The following SH3GL1 variants were observed in gnomAD, a reference collection of about 807,000 sequenced individuals.
The protein encoded by SH3GL1 is SH3 domain containing GRB2 like 1, endophilin A2.
Under a neutral mutation model 48.8 loss-of-function variants are expected in SH3GL1, and 21 were observed. That is an observed-to-expected ratio of 0.43 (90% CI 0.30 to 0.62). The LOEUF (loss-of-function observed/expected upper bound fraction) is 0.62. SH3GL1 is among the 20% of genes least tolerant of loss of function. The pLI, the probability that SH3GL1 is intolerant of heterozygous loss-of-function variation, is 0.11. For missense variants in SH3GL1, 454 were observed against 503.0 expected (o/e 0.90, Z 0.93); for synonymous variants, 282 against 217.5 (o/e 1.30, Z -2.61).
At chr19:4,379,379 T>C (rs1240157096) in intron 1 of SH3GL1, among the ~76,000 whole-genome samples, 1 of 145,466 alleles carries the variant, frequency 6.9e-6, no homozygotes, top group Non-Finnish European at 1.5e-5. Flanking sequence ...TGAGCCAAGA[T>C]CACACCACTG....
At chr19:4,365,726 G>A in intron 3 of SH3GL1, 101 bp from the exon 4 acceptor site, 1 of 1,519,526 alleles carries the variant, frequency 6.6e-7, no homozygotes, top group Non-Finnish European at 9.0e-7. Flanking sequence ...TGCTTCCTGT[G>A]CCTGTGGACA....
At chr19:4,385,059 G>A (rs1345858191) in intron 1 of SH3GL1, among the ~76,000 whole-genome samples, 3 of 150,128 alleles carry the variant, frequency 2.0e-5, no homozygotes, top group African/African-American at 7.4e-5. Flanking sequence ...AGCTGAGATT[G>A]CGCCATTGCA....
intron 1 of SH3GL1, among the ~76,000 whole-genome samples, chr19:4,375,610 T>G (rs1370332613): frequency 6.6e-6 from 1 of 152,108 alleles, no homozygotes; most frequent in African/African-American, 2.4e-5. Context: ...CTGGGGCTCC[T>G]CTCCCAGGAA....
chr19:4,398,029 T>C (rs994031703), intron 1 of SH3GL1, among the ~76,000 whole-genome samples: 1 of 152,054 alleles, frequency 6.6e-6, no homozygotes. Context: ...TCATATTTTG[T>C]AGAGATGGGA....
At chr19:4,372,219 C>A (rs1409581750) in intron 1 of SH3GL1, among the ~76,000 whole-genome samples, 3 of 152,188 alleles carry the variant, frequency 2.0e-5, no homozygotes, top group Non-Finnish European at 4.4e-5. Context: ...GGACCAGGGA[C>A]AGGGCAGGCA....
chr19:4,384,053 G>A (rs1207649119), intron 1 of SH3GL1, among the ~76,000 whole-genome samples: 1 of 152,232 alleles, frequency 6.6e-6, no homozygotes, highest in Non-Finnish European at 1.5e-5. Flanking sequence ...CAGGGAGCAC[G>A]TGAGTCCTGG....
intron 1 of SH3GL1, chr19:4,390,619 T>C (rs1184022998): frequency 2.0e-5 from 3 of 152,112 alleles, no homozygotes; most frequent in African/African-American, 7.3e-5. Context: ...AGGGACAGCT[T>C]CGAAAAAGAA....
chr19:4,368,335 C>G (rs192319172), intron 1 of SH3GL1, among the ~76,000 whole-genome samples: 44 of 152,304 alleles, frequency 2.9e-4, no homozygotes, highest in African/African-American at 1.0e-3. Context: ...AGGAAGTGAC[C>G]CAAGAGCAGG....
intron 1 of SH3GL1, among the ~76,000 whole-genome samples, chr19:4,396,510 A>T (rs1973428008): frequency 1.3e-5 from 2 of 152,118 alleles, no homozygotes; most frequent in Admixed American, 1.3e-4. Flanking sequence ...TTTGAGACGA[A>T]GTCTCGCTCT....
chr19:4,383,523 G>A (rs1973177899), intron 1 of SH3GL1, among the ~76,000 whole-genome samples: 1 of 152,106 alleles, frequency 6.6e-6, no homozygotes, highest in Admixed American at 6.6e-5. Flanking sequence ...ATGAGCCGCT[G>A]CACCTGTCCT....
In SH3GL1 at chr19:4,361,780, C is replaced by G; in HGVS notation, c.927G>C (p.Pro309=). The G allele has an allele frequency of 6.2e-7, 1 of 1,609,488 alleles. No homozygotes were observed. Among genetic ancestry groups the G allele is most frequent in the Non-Finnish European group, 8.5e-7 (1 of 1,179,718 alleles). The change falls in exon 10 of 10, where the codon CCG becomes CCC. Residue 309 remains proline, a synonymous_variant. Coordinates refer to ENST00000269886, the MANE Select transcript of SH3GL1 (RefSeq NM_003025.4). ...PSRSMPPLDQ[P]SCKALYDFEP... ...CGAAGTCGTACAGCGCCTTGCAGCT[C>G]GGCTGGTCCAGGGGCGCTGGGGGCG... is the stretch of plus-strand genomic sequence containing the variant.
rs772936083 is a variant in SH3GL1, at chr19:4,360,721, G to A, written c.*879C>T. ...CTCAGCAAGGGGAGCCTGGCCACCA[G>A]GGGCTGGGACATGCGCTCACTGGAA... On this transcript the variant is annotated 3_prime_UTR_variant, in exon 10 of 10. Coordinates refer to ENST00000269886, the MANE Select transcript of SH3GL1 (RefSeq NM_003025.4). 1 of 233,572 alleles carries A rather than the reference G, an allele frequency of 4.3e-6. No homozygotes were observed. The allele number at this position is 233,572 out of a possible 1,614,324, so 14.5% of individuals were successfully genotyped here.
chr19:4,365,883 C>T (rs1568409035), intron 3 of SH3GL1, among the ~76,000 whole-genome samples: 2 of 152,200 alleles, frequency 1.3e-5, no homozygotes, highest in African/African-American at 4.8e-5. Flanking sequence ...CCTCTTGGAA[C>T]GTGGCTATGA....
intron 1 of SH3GL1, among the ~76,000 whole-genome samples, chr19:4,369,812 GT>G (rs1401849425): frequency 6.6e-6 from 1 of 152,258 alleles, no homozygotes; most frequent in Non-Finnish European, 1.5e-5. Context: ...GTGACTGATG[GT>G]CCCCCACGGG....
In SH3GL1 at chr19:4,367,733, CCTCT is replaced by C. The variant is rs1404586767; in HGVS notation, c.46-743_46-740del. On this transcript the variant is annotated intron_variant, in intron 1 of 9. Coordinates refer to ENST00000269886, the MANE Select transcript of SH3GL1 (RefSeq NM_003025.4). The surrounding 1 kb of genome is among the most constrained non-coding windows in gnomAD (Gnocchi z 4.2). The stretch of plus-strand genomic sequence containing the variant: ...CAAGCACTGAATTCCCAAACCACTC[CCTCT>C]GACAGCGCCTGGGATGCGAAAAACA... Among the ~76,000 whole-genome samples, 3 of 152,206 alleles carry C rather than the reference CCTCT, an allele frequency of 2.0e-5. No individual in the cohort carries two copies. The highest frequency in any genetic ancestry group is 4.8e-5 in the African/African-American group (2 of 41,440).
chr19:4,364,014 G>T lies in SH3GL1; in HGVS notation c.465+74C>A. 4 of 1,606,274 alleles carry T rather than the reference G, an allele frequency of 2.5e-6. No individual in the cohort carries two copies. The South Asian group carries it at 4.4e-5, about 18-fold the overall frequency. ...AGAGGGCAGTGCCGAGGCTGGAGGT[G>T]AGGGTGGCAGGAATGGGGCTGCCCC... is the stretch of plus-strand genomic sequence containing the variant. On this transcript the variant is annotated intron_variant, in intron 5 of 9. Coordinates refer to ENST00000269886, the MANE Select transcript of SH3GL1 (RefSeq NM_003025.4).
intron 1 of SH3GL1, among the ~76,000 whole-genome samples, chr19:4,369,226 C>T (rs928364682): frequency 6.6e-6 from 1 of 152,198 alleles, no homozygotes; most frequent in Non-Finnish European, 1.5e-5. Context: ...AAGGAGCCCC[C>T]CCTCCCTAGG....
chr19:4,382,383 G>A (rs923650214), intron 1 of SH3GL1, among the ~76,000 whole-genome samples: 2 of 146,188 alleles, frequency 1.4e-5, no homozygotes, highest in African/African-American at 2.5e-5. Flanking sequence ...TCAGCCTCCC[G>A]AGTAGCTGGG....
At chr19:4,390,785 C>T (rs1219000704) in intron 1 of SH3GL1, among the ~76,000 whole-genome samples, 4 of 151,982 alleles carry the variant, frequency 2.6e-5, no homozygotes, top group Admixed American at 1.3e-4. Context: ...CCAACCCTCC[C>T]GGCACTTAAA....
Sources: allele counts gnomAD v4.1 joint callset (sites outside exome capture counted in the v4.1 genomes callset), GRCh38; gene constraint gnomAD v4.1.1; non-coding constraint Gnocchi (gnomAD v3.1); transcripts MANE v1.5; gene names NCBI Gene and HGNC (gene_info 2026-07-23, HGNC 2026-07-21).